PCGF6: variants seen among roughly 807,000 people sequenced by gnomAD.
PCGF6 encodes the protein polycomb group RING finger protein 6.
PCGF6 carries 24 observed loss-of-function variants against 45.5 expected under a neutral mutation model. The observed-to-expected ratio is 0.53, with a 90% confidence interval of 0.38 to 0.74. PCGF6 has a LOEUF of 0.74. Among genes scored for constraint, PCGF6 ranks in the 30% least tolerant of loss-of-function variants. The pLI, the probability that PCGF6 is intolerant of heterozygous loss-of-function variation, is 0.00. For missense variants in PCGF6, 356 were observed against 443.2 expected, an observed-to-expected ratio of 0.80 and a Z score of 1.77; for synonymous variants, 152 against 162.1, an observed-to-expected ratio of 0.94 and a Z score of 0.47.
intron 7 of PCGF6, among the ~76,000 whole-genome samples, chr10:103,329,893 C>T (rs1175905245): frequency 1.3e-5 from 2 of 152,096 alleles, no homozygotes; most frequent in African/African-American, 2.4e-5. Context: ...ATTCTCCTGC[C>T]TCAGCCTCCC....
chr10:103,307,101 C>T (rs1018396534), intron 9 of PCGF6, among the ~76,000 whole-genome samples: 1 of 148,458 alleles, frequency 6.7e-6, no homozygotes, highest in African/African-American at 2.5e-5. Flanking sequence ...CAGACCCTGT[C>T]TCAAAAACAA....
intron 8 of PCGF6, among the ~76,000 whole-genome samples, chr10:103,316,941 G>GA (rs1367390834): frequency 2.6e-5 from 4 of 152,134 alleles, no homozygotes; most frequent in African/African-American, 9.7e-5. Context: ...AATGATATGA[G>GA]ATCTTGCACA....
chr10:103,319,800 G>A (rs2093189943), intron 8 of PCGF6, among the ~76,000 whole-genome samples: 1 of 151,990 alleles, frequency 6.6e-6, no homozygotes. Flanking sequence ...CACCAAATAA[G>A]TAATAATAAT....
intron 8 of PCGF6, among the ~76,000 whole-genome samples, chr10:103,323,883 C>T (rs771572556): frequency 1.3e-4 from 20 of 152,086 alleles, no homozygotes; most frequent in Non-Finnish European, 2.6e-4. Context: ...CTACACATGG[C>T]CAGTCACTGT....
intron 8 of PCGF6, among the ~76,000 whole-genome samples, chr10:103,317,599 G>A (rs1026954200): frequency 4.6e-5 from 7 of 151,792 alleles, no homozygotes; most frequent in East Asian, 1.9e-4. Flanking sequence ...TGATCGTACC[G>A]CTCCACCCCA....
chr10:103,344,342 G>C (rs1000141326), intron 6 of PCGF6, among the ~76,000 whole-genome samples: 1 of 151,656 alleles, frequency 6.6e-6, no homozygotes, highest in East Asian at 1.9e-4. Context: ...CACGACCTCG[G>C]TTCACTTCAA....
At chr10:103,342,764 C>G (rs1454115404) in intron 6 of PCGF6, among the ~76,000 whole-genome samples, 1 of 152,070 alleles carries the variant, frequency 6.6e-6, no homozygotes, top group African/African-American at 2.4e-5. Flanking sequence ...CATTATTTAA[C>G]CTACTCCCTT....
At chr10:103,329,708 G>A (rs2093232814) in intron 7 of PCGF6, among the ~76,000 whole-genome samples, 1 of 152,014 alleles carries the variant, frequency 6.6e-6, no homozygotes, top group Admixed American at 6.6e-5. Flanking sequence ...CCTGACCTCA[G>A]GTGATCTGCC....
chr10:103,341,225 G>A (rs911970145), intron 6 of PCGF6, among the ~76,000 whole-genome samples: 3 of 150,430 alleles, frequency 2.0e-5, no homozygotes, highest in Non-Finnish European at 3.0e-5. Context: ...GTGAAACTCC[G>A]TCTCAAAAAC....
At chr10:103,312,033 C>T (rs1451958878) in intron 9 of PCGF6, among the ~76,000 whole-genome samples, 3 of 139,134 alleles carry the variant, frequency 2.2e-5, no homozygotes, top group Admixed American at 8.2e-5. Context: ...TGCAGTGAGC[C>T]GAAATCACGC....
At chr10:103,329,054 T>G (rs1010185168) in intron 7 of PCGF6, among the ~76,000 whole-genome samples, 11 of 150,552 alleles carry the variant, frequency 7.3e-5, no homozygotes, top group African/African-American at 2.7e-4. Flanking sequence ...GGATTTTAAC[T>G]TTTGAGATGG....
At chr10:103,343,504 A>T (rs2093288420) in intron 6 of PCGF6, among the ~76,000 whole-genome samples, 1 of 152,104 alleles carries the variant, frequency 6.6e-6, no homozygotes, top group South Asian at 2.1e-4. Flanking sequence ...GCTGCACTAA[A>T]ATGGAGTACA....
At chr10:103,341,724 G>A (rs1186480521) in intron 6 of PCGF6, among the ~76,000 whole-genome samples, 3 of 151,874 alleles carry the variant, frequency 2.0e-5, no homozygotes, top group Non-Finnish European at 4.4e-5. Context: ...GATTACAGGC[G>A]AGAGCCACTG....
chr10:103,342,997 C>T (rs879452842), intron 6 of PCGF6, among the ~76,000 whole-genome samples: 2 of 152,078 alleles, frequency 1.3e-5, no homozygotes, highest in African/African-American at 2.4e-5. Flanking sequence ...GGCACCACCT[C>T]GGCTCACTGC....
intron 6 of PCGF6, among the ~76,000 whole-genome samples, chr10:103,336,747 T>C (rs1224741979): frequency 6.6e-6 from 1 of 152,076 alleles, no homozygotes; most frequent in African/African-American, 2.4e-5. Context: ...TGTTGGCACA[T>C]GCCTGTAATC....
At chr10:103,319,294 C>G (rs1249420692) in intron 8 of PCGF6, among the ~76,000 whole-genome samples, 1 of 152,018 alleles carries the variant, frequency 6.6e-6, no homozygotes, top group Admixed American at 6.6e-5. Flanking sequence ...AGACTACAGG[C>G]GTACCACCAT....
chr10:103,318,182 C>T (rs1207844113), intron 8 of PCGF6, among the ~76,000 whole-genome samples: 3 of 151,674 alleles, frequency 2.0e-5, no homozygotes, highest in South Asian at 4.2e-4. Context: ...GTGGCTCACG[C>T]CTGTAATCCC....
At chr10:103,316,768 T>C (rs2133562673) in intron 8 of PCGF6, among the ~76,000 whole-genome samples, 1 of 152,196 alleles carries the variant, frequency 6.6e-6, no homozygotes, top group East Asian at 1.9e-4. Flanking sequence ...ATTTTGCAAA[T>C]ACCACTCTGT....
intron 8 of PCGF6, among the ~76,000 whole-genome samples, chr10:103,320,642 A>G (rs1281546987): frequency 1.3e-5 from 2 of 152,154 alleles, no homozygotes; most frequent in Non-Finnish European, 2.9e-5. Context: ...AGCCGACATC[A>G]TCGCACCATT....
Sources: allele counts gnomAD v4.1 joint callset (sites outside exome capture counted in the v4.1 genomes callset), GRCh38; gene constraint gnomAD v4.1.1; transcripts MANE v1.5; gene names NCBI Gene and HGNC (gene_info 2026-07-23, HGNC 2026-07-21).